Variants in ADGRV1 observed in about 807,000 individuals in gnomAD.
ADGRV1 encodes adhesion G protein-coupled receptor V1, also known as G-protein coupled receptor 98.
Under a neutral mutation model 596.2 loss-of-function variants are expected in ADGRV1, and 359 were observed. The observed-to-expected ratio is 0.60, with a 90% confidence interval of 0.55 to 0.66. ADGRV1 has a LOEUF of 0.66. Ranked by LOEUF, ADGRV1 falls within the 30% of genes least tolerant of loss-of-function variation. The pLI is 0.00. For synonymous variants in ADGRV1, 2,681 were observed against 2,679.2 expected (o/e 1.00, Z -0.02); for missense variants, 7,274 against 7,575.6 (o/e 0.96, Z 1.48).
intron 82 of ADGRV1, among the ~76,000 whole-genome samples, chr5:90,862,720 G>C (rs540995499): frequency 6.6e-6 from 1 of 152,104 alleles, no homozygotes; most frequent in South Asian, 2.1e-4. Context: ...CTTGACTAAC[G>C]CAAAGCTTCC....
Position 90,778,968 on chromosome 5 carries a change from C to CAGCAGGGGAGCTCCTCTTTGA in ADGRV1, c.12964_12984dup (p.Leu4322_Glu4328dup), listed in dbSNP as rs1301339206. ...GAAGCAGGCTTGGATTTTGTTCCTG[C>CAGCAGGGGAGCTCCTCTTTGA]AGCAGGGGAGCTCCTCTTTGAAGCA... On this transcript the variant is annotated inframe_insertion, in exon 64 of 90. Coordinates refer to ENST00000405460, the MANE Select transcript of ADGRV1 (RefSeq NM_032119.4). 1 of 1,613,480 alleles carries CAGCAGGGGAGCTCCTCTTTGA rather than the reference C, an allele frequency of 6.2e-7. No individual in the cohort carries two copies. The highest frequency in any genetic ancestry group is 2.2e-5 in the East Asian group (1 of 44,862).
intron 87 of ADGRV1, among the ~76,000 whole-genome samples, chr5:91,145,248 C>A (rs942367731): frequency 1.3e-4 from 20 of 152,202 alleles, no homozygotes; most frequent in Middle Eastern, 3.4e-3. Flanking sequence ...CAGGCAGTTC[C>A]TTTCCTGAAA....
chr5:90,808,310 G>A (rs1762101723), intron 73 of ADGRV1, among the ~76,000 whole-genome samples: 1 of 152,208 alleles, frequency 6.6e-6, no homozygotes, highest in South Asian at 2.1e-4. Context: ...CTGCTATTCA[G>A]ACTTAGGGAT....
intron 34 of ADGRV1, among the ~76,000 whole-genome samples, chr5:90,702,972 T>A (rs1359846056): frequency 1.3e-5 from 2 of 152,024 alleles, no homozygotes; most frequent in Non-Finnish European, 2.9e-5. Flanking sequence ...AACAGCTTAC[T>A]TTATGCTTTT....
At chr5:90,632,038 T>C (rs1765568966) in intron 9 of ADGRV1, among the ~76,000 whole-genome samples, 1 of 150,108 alleles carries the variant, frequency 6.7e-6, no homozygotes, top group Admixed American at 6.6e-5. Context: ...CAGAATTTAA[T>C]GGAATTTTTT....
chr5:90,795,988 AC>A (rs969836525), intron 70 of ADGRV1, among the ~76,000 whole-genome samples: 147 of 152,320 alleles, frequency 9.7e-4, no homozygotes, highest in African/African-American at 3.4e-3. Flanking sequence ...AACATCAAAG[AC>A]CAAAGGTAGG....
intron 1 of ADGRV1, among the ~76,000 whole-genome samples, chr5:90,595,131 C>A (rs1346267586): frequency 8.0e-5 from 10 of 125,402 alleles, no homozygotes; most frequent in Admixed American, 1.4e-4. Flanking sequence ...CCCCACCTCC[C>A]TCCCGGACGG....
intron 74 of ADGRV1, among the ~76,000 whole-genome samples, chr5:90,813,659 C>T (rs1340721039): frequency 1.3e-5 from 2 of 152,292 alleles, no homozygotes; most frequent in Non-Finnish European, 2.9e-5. Context: ...TGTAATTGGC[C>T]TGACTACACC....
At chr5:90,763,192 A>T (rs1013805270) in intron 58 of ADGRV1, 113 bp from the exon 59 acceptor site, 1 of 960,318 alleles carries the variant, frequency 1.0e-6, no homozygotes. Context: ...ATTACATGTA[A>T]CATTCTAAAT....
At chr5:90,568,139 T>G (rs1448682161) in intron 1 of ADGRV1, among the ~76,000 whole-genome samples, 1 of 152,132 alleles carries the variant, frequency 6.6e-6, no homozygotes, top group Non-Finnish European at 1.5e-5. Flanking sequence ...TATTTTTTCT[T>G]TGTTTCCTTC....
chr5:90,771,330 C>T (rs934442941), intron 59 of ADGRV1, among the ~76,000 whole-genome samples: 1 of 152,130 alleles, frequency 6.6e-6, no homozygotes. Flanking sequence ...CAAATCTTCA[C>T]TCTACTGTTT....
At chr5:91,135,010 C>T (rs935428018) in intron 87 of ADGRV1, among the ~76,000 whole-genome samples, 9 of 151,674 alleles carry the variant, frequency 5.9e-5, no homozygotes, top group Non-Finnish European at 1.2e-4. Context: ...GGTGAAACCC[C>T]GTCTCTACAA....
rs555547971 is a variant in ADGRV1 at position 90,810,847 on chromosome 5, A to G, written c.15587A>G (p.His5196Arg). The change falls in exon 74 of 90, where the codon CAT (histidine) becomes CGT (arginine). Residue 5196 changes from histidine to arginine, a missense_variant. Around this residue, in one of 5 missense-constraint regions of ADGRV1, gnomAD observed 1,874 missense variants for 1,970.2 expected, o/e 0.95. Coordinates refer to ENST00000405460, the MANE Select transcript of ADGRV1 (RefSeq NM_032119.4). ...ATCCCTGAGAAACTTGTCACCCTTC[A>G]TGGCACACCTGCTGTGTCTGAAAAG... Reference protein sequence around the residue: ...SAIPEKLVTLHGTPAVSEKPD... With the variant: ...SAIPEKLVTLRGTPAVSEKPD... The G allele has an allele frequency of 6.2e-7, 1 of 1,614,010 alleles. No individual in the cohort carries two copies. The highest frequency in any genetic ancestry group is 1.1e-5 in the South Asian group (1 of 91,088).
chr5:90,850,083 A>G (rs977314805), intron 79 of ADGRV1, among the ~76,000 whole-genome samples: 6 of 152,178 alleles, frequency 3.9e-5, no homozygotes, highest in Non-Finnish European at 2.9e-5. Context: ...GCCTGGACTC[A>G]ACCCCAGACT....
At chr5:90,571,881 G>A (rs551756472) in intron 1 of ADGRV1, among the ~76,000 whole-genome samples, 256 of 152,200 alleles carry the variant, frequency 1.7e-3, no homozygotes, top group African/African-American at 5.9e-3. Flanking sequence ...TGGAGATTCA[G>A]CTGTATTTCT....
chr5:90,787,927 T>C, intron 67 of ADGRV1, 144 bp from the exon 68 acceptor site: 1 of 572,550 alleles, frequency 1.7e-6, no homozygotes, highest in Middle Eastern at 4.1e-4. Flanking sequence ...AAAACAAGTT[T>C]ATGAAACAGG....
intron 87 of ADGRV1, among the ~76,000 whole-genome samples, chr5:91,122,338 C>T (rs1793392973): frequency 6.6e-6 from 1 of 152,298 alleles, no homozygotes; most frequent in Admixed American, 6.5e-5. Context: ...ATACATTTCA[C>T]AGTGGCATTT....
At chr5:90,740,162 T>C (rs1014684501) in intron 50 of ADGRV1, among the ~76,000 whole-genome samples, 1 of 152,112 alleles carries the variant, frequency 6.6e-6, no homozygotes, top group Non-Finnish European at 1.5e-5. Flanking sequence ...TCTCTTTGGA[T>C]AATCCGTGGG....
chr5:91,018,232 C>T (rs1783335213), intron 85 of ADGRV1, among the ~76,000 whole-genome samples: 1 of 151,962 alleles, frequency 6.6e-6, no homozygotes, highest in African/African-American at 2.4e-5. Flanking sequence ...CCCAGGGGGT[C>T]TTCCTAGACT....
Sources: allele counts gnomAD v4.1 joint callset (sites outside exome capture counted in the v4.1 genomes callset), GRCh38; gene constraint gnomAD v4.1.1; regional missense constraint gnomAD v4.1.1; transcripts MANE v1.5; gene names NCBI Gene and HGNC (gene_info 2026-07-23, HGNC 2026-07-21).